The following PTPRJ variants were observed in gnomAD, a reference collection of about 807,000 sequenced individuals.
PTPRJ encodes the protein protein tyrosine phosphatase receptor type J, also known as receptor-type tyrosine-protein phosphatase eta.
A neutral mutation model predicts 141.3 loss-of-function variants in PTPRJ; 129 were observed. The ratio of observed to expected loss-of-function variants is 0.91; its 90% confidence interval spans 0.79 to 1.06. PTPRJ has a LOEUF of 1.06. Among genes scored for constraint, PTPRJ ranks in the 50% least tolerant of loss-of-function variants. The probability of loss-of-function intolerance (pLI) is 0.00; values close to 1 mark genes in which losing one functional copy is unlikely to be tolerated. For missense variants in PTPRJ, 1,601 were observed against 1,679.7 expected (o/e 0.95, Z 0.82); for synonymous variants, 610 against 640.5 (o/e 0.95, Z 0.72).
At chr11:48,160,373 G>T (rs1857736317) in intron 22 of PTPRJ, among the ~76,000 whole-genome samples, 1 of 152,162 alleles carries the variant, frequency 6.6e-6, no homozygotes. Flanking sequence ...ACAAACTGTA[G>T]CCTTTTGGAT....
chr11:48,016,231 G>C (rs1366450584), intron 1 of PTPRJ, among the ~76,000 whole-genome samples: 1 of 152,212 alleles, frequency 6.6e-6, no homozygotes, highest in Non-Finnish European at 1.5e-5. Context: ...CTTCTTGCTT[G>C]TGAGGCATCA....
intron 8 of PTPRJ, chr11:48,132,281 G>A (rs1856998941): frequency 3.0e-6 from 3 of 984,564 alleles, no homozygotes; most frequent in African/African-American, 1.7e-5. Context: ...TGCACCCATC[G>A]TCCCAGCTAC....
At chr11:48,162,430 C>T (rs1235537632) in intron 22 of PTPRJ, among the ~76,000 whole-genome samples, 1 of 151,460 alleles carries the variant, frequency 6.6e-6, no homozygotes, top group Non-Finnish European at 1.5e-5. Context: ...CCTCTTCCCC[C>T]ACCTCCATCT....
At chr11:48,052,830 A>T (rs1430805569) in intron 1 of PTPRJ, among the ~76,000 whole-genome samples, 1 of 151,954 alleles carries the variant, frequency 6.6e-6, no homozygotes, top group East Asian at 1.9e-4. Flanking sequence ...ACTTGGCAGA[A>T]ATGGAGAAAC....
intron 1 of PTPRJ, among the ~76,000 whole-genome samples, chr11:48,013,204 G>A (rs1223102417): frequency 6.6e-6 from 1 of 151,984 alleles, no homozygotes; most frequent in Non-Finnish European, 1.5e-5. Flanking sequence ...TTCCATTTGG[G>A]CTCATGTTCA....
At chr11:48,113,084 G>A in intron 3 of PTPRJ, 101 bp downstream of exon 3, 3 of 1,024,338 alleles carry the variant, frequency 2.9e-6, no homozygotes, top group Non-Finnish European at 2.8e-6. Context: ...AATTACCTAA[G>A]AAAATCTTTT....
At chr11:48,053,735 C>A (rs1854672794) in intron 1 of PTPRJ, among the ~76,000 whole-genome samples, 2 of 149,822 alleles carry the variant, frequency 1.3e-5, no homozygotes, top group Non-Finnish European at 3.0e-5. Flanking sequence ...TGCCACCATG[C>A]CTGGATAATT....
intron 1 of PTPRJ, among the ~76,000 whole-genome samples, chr11:48,023,783 AAAATAAATAAATAAATAAATAAAT>A (rs151301730): frequency 6.7e-6 from 1 of 149,092 alleles, no homozygotes; most frequent in Non-Finnish European, 1.5e-5. Context: ...CTCGGACTCA[AAAATAAATAAATAAATAAATAAAT>A]AAATAAATAA....
Position 48,014,828 on chromosome 11 carries a change from G to A in PTPRJ, c.96+33820G>A, listed in dbSNP as rs573754487. ...AGCGATTCTCCTGCCTCAGCCTCTC[G>A]AGTAGCTGGGATTACAGGCATGCGC... is the stretch of plus-strand genomic sequence containing the variant. On this transcript the variant is annotated intron_variant, in intron 1 of 24. Transcript: ENST00000418331. Among the ~76,000 whole-genome samples, 610 of 152,164 alleles carry A rather than the reference G, an allele frequency of 4.0e-3. 6 individuals carry two copies. The highest frequency in any genetic ancestry group is 0.014 in the African/African-American group (583 of 41,524).
At chr11:47,996,907 A>C (rs1854352506) in intron 1 of PTPRJ, among the ~76,000 whole-genome samples, 1 of 152,222 alleles carries the variant, frequency 6.6e-6, no homozygotes, top group South Asian at 2.1e-4. Flanking sequence ...CTCAGCTTCT[A>C]TCCGGCCACA....
intron 1 of PTPRJ, among the ~76,000 whole-genome samples, chr11:48,019,796 C>T (rs1841152184): frequency 1.3e-5 from 2 of 152,198 alleles, no homozygotes; most frequent in African/African-American, 4.8e-5. Context: ...GTTGTGTACA[C>T]AGCGATAGGC....
intron 1 of PTPRJ, among the ~76,000 whole-genome samples, chr11:48,086,600 G>A (rs1041728094): frequency 6.6e-6 from 1 of 152,214 alleles, no homozygotes; most frequent in African/African-American, 2.4e-5. Flanking sequence ...CTGAAGCTTT[G>A]TTTCCTTCCT....
At chr11:48,036,158 T>C (rs1854119251) in intron 1 of PTPRJ, among the ~76,000 whole-genome samples, 1 of 152,254 alleles carries the variant, frequency 6.6e-6, no homozygotes. Flanking sequence ...TTCTCATCTC[T>C]TCTGATCCTG....
chr11:47,999,863 C>CTTTTTTTT lies in PTPRJ; in HGVS notation c.96+18859_96+18866dup, dbSNP rs1209647054. On this transcript the variant is annotated intron_variant, in intron 1 of 24. Transcript: ENST00000418331. ...CTTTTACTTTCATGCCGAGATTCTT[C>CTTTTTTTT]TTTTTTTTTTTGAGTCAGAGTCTCG... 2.1e-4 allele frequency among the ~76,000 whole-genome samples: 28 copies of CTTTTTTTT among 136,274 alleles called. 5 individuals carry two copies. Among genetic ancestry groups the CTTTTTTTT allele is most frequent in the East Asian group, 4.1e-4 (2 of 4,912 alleles). 89.4% of individuals were successfully genotyped at this position (136,274 alleles called of 152,430 possible).
intron 1 of PTPRJ, among the ~76,000 whole-genome samples, chr11:48,029,471 A>G (rs1853923451): frequency 1.3e-5 from 2 of 152,204 alleles, no homozygotes; most frequent in African/African-American, 4.8e-5. Flanking sequence ...ATGTCTCACT[A>G]GTCATGTGAT....
chr11:48,126,763 T>C (rs1169120853), intron 6 of PTPRJ, among the ~76,000 whole-genome samples: 1 of 145,856 alleles, frequency 6.9e-6, no homozygotes, highest in Non-Finnish European at 1.5e-5. Context: ...ACAGAAACAT[T>C]CAGTCTGTTG....
At position 48,168,683 on chromosome 11, in the gene PTPRJ, C is replaced by G. The variant is rs1409668003; in HGVS notation, c.*1321C>G. The G allele has an allele frequency of 6.8e-6, 1 of 146,054 alleles. No homozygotes were observed. Among genetic ancestry groups the G allele is most frequent in the Non-Finnish European group, 1.5e-5 (1 of 66,760 alleles). The allele number at this position is 146,054 out of a possible 1,614,324, so 9.0% of individuals were successfully genotyped here. ...TTATTTTTAAAACCTTTTCACTATA[C>G]TGCTGCTGTAATTACTTTGATTTTT... On this transcript the variant is annotated 3_prime_UTR_variant, in exon 25 of 25. Transcript: ENST00000418331.
At chr11:48,159,583 T>G (rs1384893589) in intron 21 of PTPRJ, among the ~76,000 whole-genome samples, 1 of 152,076 alleles carries the variant, frequency 6.6e-6, no homozygotes, top group Non-Finnish European at 1.5e-5. Context: ...TGGCAAGAAT[T>G]GTAAATTAAA....
intron 2 of PTPRJ, among the ~76,000 whole-genome samples, chr11:48,111,005 G>C (rs1466988096): frequency 6.6e-6 from 1 of 152,184 alleles, no homozygotes; most frequent in African/African-American, 2.4e-5. Flanking sequence ...GGCCGGGCCT[G>C]GTGGCTCATG....
Sources: gnomAD v4.1 joint callset for allele counts (sites outside exome capture counted in the v4.1 genomes callset) on GRCh38, gnomAD v4.1.1 for gene constraint, MANE v1.5 for transcripts, NCBI Gene and HGNC (gene_info 2026-07-23, HGNC 2026-07-21) for gene names.